SLC28A1: variants seen among roughly 807,000 people sequenced by gnomAD.
The protein encoded by SLC28A1 is sodium/nucleoside cotransporter 1.
A neutral mutation model predicts 74.8 loss-of-function variants in SLC28A1; 64 were observed. The observed-to-expected ratio is 0.86, with a 90% CI of 0.70 to 1.05. The LOEUF (loss-of-function observed/expected upper bound fraction) is 1.05, where lower values mean the gene tolerates loss of function less well. SLC28A1 is among the 50% of genes least tolerant of loss of function. SLC28A1 has a pLI of 0.00. For missense variants in SLC28A1, 828 were observed against 822.8 expected (o/e 1.01, Z -0.08); for synonymous variants, 359 against 335.0 (o/e 1.07, Z -0.78).
chr15:84,951,900 T>C, the SLC28A1 span, among the ~76,000 whole-genome samples: 6 of 152,044 alleles, frequency 3.9e-5, no homozygotes, highest in Non-Finnish European at 7.4e-5. Flanking sequence ...AGTTTTCCAA[T>C]TTAGCTTCAT....
chr15:84,957,997 A>G, the SLC28A1 span, among the ~76,000 whole-genome samples: 1 of 152,204 alleles, frequency 6.6e-6, no homozygotes, highest in African/African-American at 2.4e-5. Context: ...TCTTTCAACA[A>G]TGTTTTGTAG....
chr15:84,940,475 T>C (rs1243945637), intron 15 of SLC28A1: 1 of 152,558 alleles, frequency 6.6e-6, no homozygotes. Context: ...AAATACATTA[T>C]ATACAAAAAA....
At chr15:84,950,286 G>A (rs2079372011), downstream of SLC28A1, among the ~76,000 whole-genome samples, 1 of 151,172 alleles carries the variant, frequency 6.6e-6, no homozygotes, top group Admixed American at 6.6e-5. Context: ...TAAAATATCA[G>A]GCACCAACAT....
chr15:84,946,781 C>T (rs2079247685), downstream of SLC28A1, among the ~76,000 whole-genome samples: 1 of 152,150 alleles, frequency 6.6e-6, no homozygotes, highest in African/African-American at 2.4e-5. Flanking sequence ...CCCGATGTCC[C>T]TCCCCTGCCT....
intron 4 of SLC28A1, among the ~76,000 whole-genome samples, chr15:84,889,739 TCCTTCCTTCCTTCC>T (rs1965117802): frequency 7.0e-6 from 1 of 142,858 alleles, no homozygotes; most frequent in Non-Finnish European, 1.5e-5. Context: ...CTTCCTTCCT[TCCTTCCTTCCTTCC>T]TTCCTTCCTT....
intron 9 of SLC28A1, among the ~76,000 whole-genome samples, chr15:84,916,067 A>T (rs1333401546): frequency 6.6e-6 from 1 of 150,722 alleles, no homozygotes; most frequent in Admixed American, 6.6e-5. Context: ...GGTTCAAGCG[A>T]TTCTCATGCC....
intron 1 of SLC28A1, among the ~76,000 whole-genome samples, chr15:84,885,206 A>G (rs1228775292): frequency 1.4e-5 from 2 of 147,268 alleles, no homozygotes; most frequent in African/African-American, 2.5e-5. Context: ...TGATCTGCCC[A>G]CCTTGGCCTC....
the SLC28A1 span, among the ~76,000 whole-genome samples, chr15:84,952,816 G>A: frequency 1.3e-5 from 2 of 152,072 alleles, no homozygotes; most frequent in Non-Finnish European, 2.9e-5. Flanking sequence ...CTGTGATCGT[G>A]CCACTGCACT....
At chr15:84,902,236 T>C (rs1966753670) in intron 6 of SLC28A1, among the ~76,000 whole-genome samples, 1 of 152,172 alleles carries the variant, frequency 6.6e-6, no homozygotes, top group East Asian at 1.9e-4. Flanking sequence ...TCCCAGCACT[T>C]TGGGAGGCTG....
At chr15:84,916,743 A>G (rs1397468064) in intron 9 of SLC28A1, among the ~76,000 whole-genome samples, 1 of 152,174 alleles carries the variant, frequency 6.6e-6, no homozygotes, top group Non-Finnish European at 1.5e-5. Context: ...AAATTCTAGG[A>G]ACAACTGGGC....
chr15:84,937,139 TG>T, intron 15 of SLC28A1, among the ~76,000 whole-genome samples: 1 of 151,430 alleles, frequency 6.6e-6, no homozygotes, highest in Non-Finnish European at 1.5e-5. Flanking sequence ...TTTGTTTTTT[TG>T]TTTTTTTTTT....
the SLC28A1 span, among the ~76,000 whole-genome samples, chr15:84,966,154 T>C: frequency 1.3e-5 from 2 of 152,096 alleles, no homozygotes; most frequent in Non-Finnish European, 2.9e-5. Flanking sequence ...CTTGGCTCCC[T>C]GCAACCTCCA....
intron 12 of SLC28A1, among the ~76,000 whole-genome samples, chr15:84,925,815 A>G (rs1406078358): frequency 2.6e-5 from 4 of 151,982 alleles, no homozygotes; most frequent in Non-Finnish European, 5.9e-5. Context: ...TGATCAGGAG[A>G]AAATAGTTCA....
At chr15:84,908,592 C>A (rs950871688) in intron 8 of SLC28A1, 126 bp from the exon 9 acceptor site, 19 of 768,562 alleles carry the variant, frequency 2.5e-5, no homozygotes, top group African/African-American at 2.2e-4. Context: ...GTGGTGCCCC[C>A]CCCCGGATAA....
the SLC28A1 span, among the ~76,000 whole-genome samples, chr15:84,969,383 A>G: frequency 2.0e-5 from 3 of 152,182 alleles, no homozygotes; most frequent in African/African-American, 7.2e-5. Context: ...CACGCTGAAG[A>G]AGGAAGAGAA....
the SLC28A1 span, among the ~76,000 whole-genome samples, chr15:84,969,904 C>T: frequency 6.6e-6 from 1 of 152,230 alleles, no homozygotes; most frequent in Non-Finnish European, 1.5e-5. Flanking sequence ...GAAGTTGAAT[C>T]ACAAAATGTT....
At chr15:84,968,871 T>C in the SLC28A1 span, among the ~76,000 whole-genome samples, 1 of 152,172 alleles carries the variant, frequency 6.6e-6, no homozygotes, top group African/African-American at 2.4e-5. Flanking sequence ...CCAAAGCCCC[T>C]GACTGATCCC....
At chr15:84,906,623 T>C (rs1291196478) in intron 8 of SLC28A1, among the ~76,000 whole-genome samples, 4 of 143,768 alleles carry the variant, frequency 2.8e-5, no homozygotes, top group Admixed American at 7.1e-5. Context: ...CCTTCCTTCC[T>C]TCCCTCCTTC....
At chr15:84,943,587 A>G in intron 16 of SLC28A1, 61 bp downstream of exon 16, 1 of 1,267,950 alleles carries the variant, frequency 7.9e-7, no homozygotes, top group African/African-American at 1.5e-5. Flanking sequence ...CTTGCTCGGG[A>G]CATGTAGGCC....
Sources: gnomAD v4.1 joint callset for allele counts (sites outside exome capture counted in the v4.1 genomes callset) on GRCh38, gnomAD v4.1.1 for gene constraint, MANE v1.5 for transcripts, NCBI Gene and HGNC (gene_info 2026-07-23, HGNC 2026-07-21) for gene names.